Variants in DYM observed in about 807,000 individuals in gnomAD.
DYM encodes the protein dyggve-Melchior-Clausen syndrome protein.
DYM carries 78 observed loss-of-function variants against 93.1 expected under a neutral mutation model. The observed-to-expected ratio is 0.84, with a 90% CI of 0.70 to 1.01. DYM has a LOEUF of 1.01. Ranked by LOEUF, DYM falls within the 50% of genes least tolerant of loss-of-function variation. The probability of loss-of-function intolerance (pLI) is 0.00; values close to 1 mark genes in which losing one functional copy is unlikely to be tolerated. For synonymous variants in DYM, 321 were observed against 319.7 expected, an observed-to-expected ratio of 1.00 and a Z score of -0.04; for missense variants, 789 against 845.0, an observed-to-expected ratio of 0.93 and a Z score of 0.82.
intron 1 of DYM, among the ~76,000 whole-genome samples, chr18:49,441,667 A>T (rs992071206): frequency 1.3e-5 from 2 of 152,006 alleles, no homozygotes; most frequent in Admixed American, 1.3e-4. Flanking sequence ...TGGGAAGGTG[A>T]CAGAGGAGTG....
At chr18:49,327,029 GT>G (rs2062934671) in intron 8 of DYM, among the ~76,000 whole-genome samples, 2 of 136,832 alleles carry the variant, frequency 1.5e-5, no homozygotes, top group South Asian at 2.7e-4. Context: ...GTGTGTGTGT[GT>G]GTGTGTGGTG....
intron 1 of DYM, among the ~76,000 whole-genome samples, chr18:49,440,917 T>A (rs58190472): frequency 1.0e-4 from 2 of 19,552 alleles, no homozygotes; most frequent in African/African-American, 3.9e-4. Flanking sequence ...ATATTATATT[T>A]TATATAATAT....
chr18:49,231,218 A>G (rs1378678152), intron 13 of DYM, among the ~76,000 whole-genome samples: 1 of 152,202 alleles, frequency 6.6e-6, no homozygotes, highest in Non-Finnish European at 1.5e-5. Context: ...AAGCAATGGA[A>G]CCCTTTCTTC....
intron 2 of DYM, among the ~76,000 whole-genome samples, chr18:49,394,698 A>G (rs1362133683): frequency 2.0e-5 from 3 of 152,056 alleles, no homozygotes; most frequent in African/African-American, 7.2e-5. Flanking sequence ...GTCTTCTTCA[A>G]TTTTTTTCAT....
intron 10 of DYM, among the ~76,000 whole-genome samples, chr18:49,281,702 G>A (rs1229902657): frequency 6.6e-6 from 1 of 152,020 alleles, no homozygotes; most frequent in Admixed American, 6.6e-5. Context: ...CTATCCCAAG[G>A]ACAAAAAACC....
At chr18:49,451,142 T>G (rs2148697467) in intron 1 of DYM, among the ~76,000 whole-genome samples, 1 of 152,364 alleles carries the variant, frequency 6.6e-6, no homozygotes, top group Non-Finnish European at 1.5e-5. Context: ...TTTTGAACTA[T>G]TTACAGCCTT....
intron 17 of DYM, among the ~76,000 whole-genome samples, chr18:49,095,456 T>G (rs61216275): frequency 0.042 from 6,351 of 152,058 alleles, 168 homozygotes; most frequent in Non-Finnish European, 0.046. Flanking sequence ...TGTTTTTTTT[T>G]TTTTGTTTTG....
chr18:49,150,376 G>A (rs927554378), intron 15 of DYM, among the ~76,000 whole-genome samples: 3 of 152,144 alleles, frequency 2.0e-5, no homozygotes, highest in Non-Finnish European at 4.4e-5. Context: ...TAGGTGATAA[G>A]GGCAGAGCTT....
intron 13 of DYM, among the ~76,000 whole-genome samples, chr18:49,216,039 A>G (rs948801087): frequency 6.6e-6 from 1 of 152,178 alleles, no homozygotes; most frequent in Non-Finnish European, 1.5e-5. Context: ...AATCGGGTCA[A>G]TCTCACCCTA....
At chr18:49,102,914 C>A (rs2080335811) in intron 16 of DYM, among the ~76,000 whole-genome samples, 2 of 152,138 alleles carry the variant, frequency 1.3e-5, no homozygotes, top group African/African-American at 4.8e-5. Flanking sequence ...CATTTATAAT[C>A]CTTTGGGTAT....
chr18:49,101,194 C>G (rs1228363579), intron 16 of DYM, among the ~76,000 whole-genome samples: 1 of 152,136 alleles, frequency 6.6e-6, no homozygotes, highest in South Asian at 2.1e-4. Flanking sequence ...CTGCATGAGA[C>G]ACAGCCAATA....
intron 10 of DYM, among the ~76,000 whole-genome samples, chr18:49,275,187 G>GT (rs1444312254): frequency 6.6e-6 from 1 of 152,088 alleles, no homozygotes; most frequent in African/African-American, 2.4e-5. Flanking sequence ...TCCTTTGCAA[G>GT]TGACTACACA....
At chr18:49,370,340 C>T (rs2066913712) in intron 5 of DYM, among the ~76,000 whole-genome samples, 1 of 151,798 alleles carries the variant, frequency 6.6e-6, no homozygotes, top group Non-Finnish European at 1.5e-5. Context: ...TTCATCCTAG[C>T]ACCTCCTACT....
At chr18:49,377,953 A>C (rs1271729559) in intron 5 of DYM, among the ~76,000 whole-genome samples, 1 of 152,220 alleles carries the variant, frequency 6.6e-6, no homozygotes, top group Non-Finnish European at 1.5e-5. Context: ...GCAGAGATCT[A>C]TTTTGAAAAC....
intron 1 of DYM, among the ~76,000 whole-genome samples, chr18:49,432,972 A>G (rs948028096): frequency 6.6e-6 from 1 of 152,188 alleles, no homozygotes; most frequent in Non-Finnish European, 1.5e-5. Context: ...GAATAAAAAC[A>G]TTTTCTGATT....
At chr18:49,309,654 T>A (rs941011143) in intron 8 of DYM, among the ~76,000 whole-genome samples, 4 of 152,148 alleles carry the variant, frequency 2.6e-5, no homozygotes, top group African/African-American at 9.7e-5. Context: ...CAAATGTTTT[T>A]AAATCTAACT....
intron 14 of DYM, among the ~76,000 whole-genome samples, chr18:49,181,909 ATCTT>A (rs1159803961): frequency 6.6e-6 from 1 of 151,400 alleles, no homozygotes; most frequent in South Asian, 2.1e-4. Context: ...CTGATTTGAG[ATCTT>A]TCTTTCTTTC....
intron 10 of DYM, among the ~76,000 whole-genome samples, chr18:49,274,348 T>C (rs1355636261): frequency 1.3e-5 from 2 of 152,164 alleles, no homozygotes; most frequent in African/African-American, 2.4e-5. Flanking sequence ...TGTCAAATAA[T>C]ATCTCATTGC....
At chr18:49,104,035 T>C (rs1323319908) in intron 16 of DYM, among the ~76,000 whole-genome samples, 1 of 152,214 alleles carries the variant, frequency 6.6e-6, no homozygotes, top group Non-Finnish European at 1.5e-5. Flanking sequence ...TGATTCTTCC[T>C]ACCCATGAGC....
Sources: allele counts gnomAD v4.1 joint callset (sites outside exome capture counted in the v4.1 genomes callset), GRCh38; gene constraint gnomAD v4.1.1; transcripts MANE v1.5; gene names NCBI Gene and HGNC (gene_info 2026-07-23, HGNC 2026-07-21).